Variants in ALCAM observed in about 807,000 individuals in gnomAD.
ALCAM encodes the protein CD166 antigen.
In ALCAM, 30 loss-of-function variants were observed where a neutral mutation model predicts 70.9. The ratio of observed to expected loss-of-function variants is 0.42; its 90% CI spans 0.32 to 0.57. The LOEUF (loss-of-function observed/expected upper bound fraction) is 0.57. Ranked by LOEUF, ALCAM falls within the 20% of genes least tolerant of loss-of-function variation. ALCAM has a pLI of 0.11. For synonymous variants in ALCAM, 249 were observed against 242.5 expected, an observed-to-expected ratio of 1.03 and a Z score of -0.25; for missense variants, 591 against 695.1, an observed-to-expected ratio of 0.85 and a Z score of 1.68.
At chr3:105,527,388 A>G (rs1420737366) in intron 3 of ALCAM, among the ~76,000 whole-genome samples, 3 of 152,130 alleles carry the variant, frequency 2.0e-5, no homozygotes, top group African/African-American at 7.2e-5. Flanking sequence ...GACTTTGGGC[A>G]AGTCACCTCA....
chr3:105,458,034 T>G (rs1937556707), intron 1 of ALCAM, among the ~76,000 whole-genome samples: 1 of 151,780 alleles, frequency 6.6e-6, no homozygotes, highest in East Asian at 1.9e-4. Context: ...AAAACTAGTT[T>G]CTTAGAGCTA....
intron 1 of ALCAM, among the ~76,000 whole-genome samples, chr3:105,371,889 G>A (rs746888285): frequency 2.0e-5 from 3 of 152,052 alleles, no homozygotes; most frequent in Non-Finnish European, 4.4e-5. Flanking sequence ...TTCTCACAAT[G>A]TGTTAATTTT....
chr3:105,572,541 C>T (rs559471433), intron 15 of ALCAM, among the ~76,000 whole-genome samples: 2 of 152,260 alleles, frequency 1.3e-5, no homozygotes, highest in East Asian at 3.9e-4. Context: ...CTGCAATAAA[C>T]ATACATGTGG....
At chr3:105,432,791 A>G (rs991424095) in intron 1 of ALCAM, among the ~76,000 whole-genome samples, 1 of 152,168 alleles carries the variant, frequency 6.6e-6, no homozygotes, top group Admixed American at 6.5e-5. Context: ...TGCAAAATGC[A>G]TACTAGAAAG....
intron 1 of ALCAM, chr3:105,440,990 T>A (rs1193215419): frequency 6.6e-6 from 1 of 152,096 alleles, no homozygotes; most frequent in African/African-American, 2.4e-5. Flanking sequence ...AAAAGAAACT[T>A]CAACTGATTT....
In ALCAM at chr3:105,481,780, A is replaced by T. The variant is rs190319106; in HGVS notation, c.74-38287A>T. On this transcript the variant is annotated intron_variant, in intron 1 of 15. Coordinates refer to ENST00000306107, the MANE Select transcript of ALCAM (RefSeq NM_001627.4). ...AAAAGAAATAAGTCTAATTTTTTTT[A>T]AAGTTATGTTTTTTCTTTATCTGTT... Among the ~76,000 whole-genome samples the T allele has an allele frequency of 8.4e-3, 1,278 of 152,218 alleles. 17 individuals are homozygous for T. The highest frequency in any genetic ancestry group is 0.013 in the Non-Finnish European group (864 of 67,992).
intron 3 of ALCAM, among the ~76,000 whole-genome samples, chr3:105,530,170 T>C (rs1046868202): frequency 6.6e-6 from 1 of 152,138 alleles, no homozygotes; most frequent in Non-Finnish European, 1.5e-5. Context: ...CAGAAAACTT[T>C]GACTTACTTA....
At chr3:105,526,791 C>T (rs1209871983) in intron 3 of ALCAM, among the ~76,000 whole-genome samples, 2 of 152,168 alleles carry the variant, frequency 1.3e-5, no homozygotes, top group Non-Finnish European at 2.9e-5. Context: ...GGGAGACTTT[C>T]ATTCTCTGCA....
At chr3:105,533,479 G>A (rs1939893976) in intron 4 of ALCAM, 124 bp from the exon 5 acceptor site, 2 of 646,984 alleles carry the variant, frequency 3.1e-6, no homozygotes, top group South Asian at 1.9e-5. Context: ...TCTTTGGTCA[G>A]TGTTGGAAAA....
chr3:105,460,539 G>A (rs1349234962), intron 1 of ALCAM, among the ~76,000 whole-genome samples: 1 of 151,976 alleles, frequency 6.6e-6, no homozygotes, highest in East Asian at 1.9e-4. Flanking sequence ...TTGGAATCTG[G>A]AGTCAAAGTC....
intron 1 of ALCAM, among the ~76,000 whole-genome samples, chr3:105,368,265 A>AGAGAGAGAGAG (rs1553716633): frequency 2.8e-3 from 72 of 25,938 alleles, no homozygotes; most frequent in South Asian, 4.0e-3. Flanking sequence ...GAGAGAGAGA[A>AGAGAGAGAGAG]AAGGCAAAAT....
chr3:105,567,592 T>C (rs1940771157), intron 14 of ALCAM, among the ~76,000 whole-genome samples: 1 of 152,212 alleles, frequency 6.6e-6, no homozygotes, highest in Non-Finnish European at 1.5e-5. Context: ...TTTAGTGAAT[T>C]GTTCAATATC....
rs759126610 is a variant in ALCAM at position 105,520,088 on chromosome 3, A to G, written c.95A>G (p.Asn32Ser). The stretch of plus-strand genomic sequence containing the variant: ...AAAGGCCTTGGATGGTATACTGTAA[A>G]TTCAGCATATGGAGATACCATTATC... ...FRPGLGWYTVNSAYGDTIIIP... is the reference protein window; with the variant it reads ...FRPGLGWYTVSSAYGDTIIIP... The change falls in exon 2 of 16, where the codon AAT becomes AGT. Residue 32 changes from asparagine (N) to serine (S), a missense_variant. By Grantham distance (46) the Asn-to-Ser change is conservative. This residue lies in a region of ALCAM where 427 missense variants were observed against 450.4 expected (regional missense o/e 0.95). Transcript: ENST00000306107. 3.7e-6 allele frequency: 6 copies of G among 1,610,118 alleles called. No individual in the cohort carries two copies. The Admixed American group carries it at 1.0e-4, about 27-fold the overall frequency.
intron 1 of ALCAM, among the ~76,000 whole-genome samples, chr3:105,426,044 TC>T (rs1206721471): frequency 2.6e-5 from 4 of 151,844 alleles, no homozygotes; most frequent in African/African-American, 9.7e-5. Context: ...GCTTTATTTT[TC>T]CCATTTTGTC....
In ALCAM at chr3:105,488,120, C is replaced by A. The variant is rs142058394; in HGVS notation, c.74-31947C>A. ...GTTTAAAAGAGCCTGGCACTTTTCC[C>A]AACCCTTGTTTTCCTGTCTCACCAT... is the stretch of plus-strand genomic sequence containing the variant. On this transcript the variant is annotated intron_variant, in intron 1 of 15. Transcript: ENST00000306107. 2.5e-4 allele frequency among the ~76,000 whole-genome samples: 38 copies of A among 152,200 alleles called. No individual in the cohort carries two copies. In the East Asian group the frequency reaches 5.0e-3, roughly 20 times the overall value.
chr3:105,507,639 T>G (rs993912973), intron 1 of ALCAM, among the ~76,000 whole-genome samples: 2 of 152,228 alleles, frequency 1.3e-5, no homozygotes, highest in African/African-American at 4.8e-5. Context: ...TTTCATTGTC[T>G]GGATTACCAC....
At chr3:105,374,121 A>G (rs1385987081) in intron 1 of ALCAM, among the ~76,000 whole-genome samples, 5 of 152,238 alleles carry the variant, frequency 3.3e-5, no homozygotes. Context: ...AAATGTGGTT[A>G]TTGAAGCTAT....
chr3:105,572,866 A>G (rs1020809642), intron 15 of ALCAM, among the ~76,000 whole-genome samples: 1 of 152,188 alleles, frequency 6.6e-6, no homozygotes, highest in African/African-American at 2.4e-5. Context: ...ATAAAAACCA[A>G]CTATGAGATG....
At chr3:105,528,133 T>C (rs890404997) in intron 3 of ALCAM, among the ~76,000 whole-genome samples, 2 of 150,464 alleles carry the variant, frequency 1.3e-5, no homozygotes, top group African/African-American at 5.0e-5. Context: ...TCTCCTCTCT[T>C]ATTAAATTGA....
Sources: gnomAD v4.1 joint callset for allele counts (sites outside exome capture counted in the v4.1 genomes callset) on GRCh38, gnomAD v4.1.1 for gene constraint, gnomAD v4.1.1 regional missense constraint, MANE v1.5 for transcripts, NCBI Gene and HGNC (gene_info 2026-07-23, HGNC 2026-07-21) for gene names.